Variants in MSRA observed in about 807,000 individuals in gnomAD.
The protein encoded by MSRA is mitochondrial peptide methionine sulfoxide reductase.
Under a neutral mutation model 31.3 loss-of-function variants are expected in MSRA, and 54 were observed. That is an observed-to-expected ratio of 1.73 (90% CI 1.39 to 2.17). The LOEUF (loss-of-function observed/expected upper bound fraction) is 2.17. MSRA is among the 30% of genes most tolerant of loss of function. The probability of loss-of-function intolerance (pLI) is 0.00; values close to 1 mark genes in which losing one functional copy is unlikely to be tolerated. For missense variants in MSRA, 507 were observed against 300.9 expected (o/e 1.69, Z -5.07); for synonymous variants, 169 against 116.5 (o/e 1.45, Z -2.90).
At chr8:10,221,739 G>C (rs1358262152) in intron 2 of MSRA, among the ~76,000 whole-genome samples, 1 of 152,200 alleles carries the variant, frequency 6.6e-6, no homozygotes, top group Non-Finnish European at 1.5e-5. Flanking sequence ...CAGGGAAAGA[G>C]AATAGGAAAT....
intron 1 of MSRA, among the ~76,000 whole-genome samples, chr8:10,164,638 A>G (rs1436187300): frequency 6.6e-6 from 1 of 152,240 alleles, no homozygotes; most frequent in African/African-American, 2.4e-5. Flanking sequence ...TTAATAATAT[A>G]CTATATTTGA....
intron 5 of MSRA, among the ~76,000 whole-genome samples, chr8:10,425,620 A>C (rs2129198149): frequency 6.6e-6 from 1 of 152,362 alleles, no homozygotes; most frequent in East Asian, 1.9e-4. Context: ...AGGTCTGCAC[A>C]GGTGTGGCCA....
At chr8:10,077,745 G>C (rs1798066244) in intron 1 of MSRA, among the ~76,000 whole-genome samples, 1 of 151,966 alleles carries the variant, frequency 6.6e-6, no homozygotes, top group South Asian at 2.1e-4. Context: ...GTTTCTTACA[G>C]TCCTGTCCTT....
chr8:10,096,259 C>G, intron 1 of MSRA: 1 of 1,177,906 alleles, frequency 8.5e-7, no homozygotes, highest in Non-Finnish European at 1.1e-6. Flanking sequence ...AGTGACAACA[C>G]TGAAGACCAG....
intron 1 of MSRA, among the ~76,000 whole-genome samples, chr8:10,171,336 A>G (rs1805569019): frequency 6.8e-6 from 1 of 147,494 alleles, no homozygotes; most frequent in African/African-American, 2.5e-5. Context: ...CAGACCTGAC[A>G]TTTTAAGAGC....
intron 3 of MSRA, among the ~76,000 whole-genome samples, chr8:10,257,768 C>G (rs1374228591): frequency 6.6e-6 from 1 of 152,158 alleles, no homozygotes; most frequent in Non-Finnish European, 1.5e-5. Flanking sequence ...GCAGCAGAGT[C>G]TCATTTAGAA....
chr8:10,099,954 T>C (rs1008946124), intron 1 of MSRA, among the ~76,000 whole-genome samples: 3 of 152,188 alleles, frequency 2.0e-5, no homozygotes, highest in African/African-American at 7.2e-5. Flanking sequence ...CCCAGTGAGT[T>C]TAAAGTGTTT....
intron 5 of MSRA, among the ~76,000 whole-genome samples, chr8:10,420,681 C>T (rs957861257): frequency 1.2e-4 from 19 of 152,066 alleles, no homozygotes; most frequent in Middle Eastern, 3.4e-3. Context: ...CAGCCCCCAC[C>T]CCATGTACAA....
intron 5 of MSRA, among the ~76,000 whole-genome samples, chr8:10,392,330 C>G (rs1307250614): frequency 6.6e-6 from 1 of 152,178 alleles, no homozygotes; most frequent in African/African-American, 2.4e-5. Context: ...ATCGTGATGG[C>G]TAGAAGGAGT....
chr8:10,406,372 G>T (rs1364455069), intron 5 of MSRA, among the ~76,000 whole-genome samples: 1 of 152,256 alleles, frequency 6.6e-6, no homozygotes. Context: ...ACTTCTACAA[G>T]ATGATATTGT....
intron 5 of MSRA, among the ~76,000 whole-genome samples, chr8:10,328,321 G>A (rs150324846): frequency 7.5e-6 from 1 of 133,372 alleles, no homozygotes; most frequent in Admixed American, 9.0e-5. Context: ...AAGATCCTCA[G>A]AAGTCATCCC....
chr8:10,236,515 G>T (rs1383983817), intron 2 of MSRA, among the ~76,000 whole-genome samples: 2 of 152,132 alleles, frequency 1.3e-5, no homozygotes, highest in Non-Finnish European at 2.9e-5. Flanking sequence ...AAATCATGGG[G>T]TACATAGAAC....
chr8:10,287,256 G>A (rs1799986126), intron 3 of MSRA, among the ~76,000 whole-genome samples: 1 of 152,130 alleles, frequency 6.6e-6, no homozygotes, highest in African/African-American at 2.4e-5. Context: ...ATGAAATTAT[G>A]GAATCAAACC....
intron 1 of MSRA, among the ~76,000 whole-genome samples, chr8:10,184,614 A>C (rs1001654327): frequency 6.6e-6 from 1 of 152,054 alleles, no homozygotes; most frequent in Non-Finnish European, 1.5e-5. Context: ...CATATTAAAA[A>C]CAACTCTAAG....
Position 10,076,079 on chromosome 8 carries a change from G to A in MSRA, c.142+21421G>A, listed in dbSNP as rs572312517. Among the ~76,000 whole-genome samples, 295 of 104,660 alleles carry A rather than the reference G, an allele frequency of 2.8e-3. 2 individuals carry two copies. The highest frequency in any genetic ancestry group is 7.4e-3 in the African/African-American group (280 of 37,824). 68.7% of individuals were successfully genotyped at this position (104,660 alleles called of 152,430 possible). A position where few individuals can be genotyped will look rare whatever the true frequency, so the allele number is the denominator to read the frequency against. On this transcript the variant is annotated intron_variant, in intron 1 of 5. Coordinates refer to ENST00000317173, the MANE Select transcript of MSRA (RefSeq NM_012331.5). ...TCTGGACTGCGAGTCAGAGCTGTGC[G>A]TCATGTGCTTACTGGCTGTGTGACC... is the stretch of plus-strand genomic sequence containing the variant.
chr8:10,283,220 C>G (rs1022368547), intron 3 of MSRA, among the ~76,000 whole-genome samples: 3 of 147,272 alleles, frequency 2.0e-5, no homozygotes, highest in Non-Finnish European at 4.5e-5. Context: ...TCCAATACAC[C>G]ATGCAAGATG....
chr8:10,407,666 G>A (rs974183495), intron 5 of MSRA, among the ~76,000 whole-genome samples: 2 of 152,210 alleles, frequency 1.3e-5, no homozygotes, highest in Non-Finnish European at 2.9e-5. Flanking sequence ...GGGGTTGTGA[G>A]TGGCAGGATT....
intron 5 of MSRA, among the ~76,000 whole-genome samples, chr8:10,420,597 G>T (rs188913344): frequency 6.2e-4 from 94 of 152,222 alleles, no homozygotes; most frequent in African/African-American, 2.1e-3. Context: ...CTTTCCATAT[G>T]GTCTCGGATC....
intron 1 of MSRA, among the ~76,000 whole-genome samples, chr8:10,137,178 T>C (rs192579802): frequency 4.2e-4 from 64 of 152,342 alleles, no homozygotes; most frequent in African/African-American, 1.5e-3. Context: ...CAAATCATCA[T>C]TGGAGCCTTC....
Sources: allele counts gnomAD v4.1 joint callset (sites outside exome capture counted in the v4.1 genomes callset), GRCh38; gene constraint gnomAD v4.1.1; transcripts MANE v1.5; gene names NCBI Gene and HGNC (gene_info 2026-07-23, HGNC 2026-07-21).